TTC27: variants seen among roughly 807,000 people sequenced by gnomAD.
TTC27 encodes tetratricopeptide repeat protein 27.
Under a neutral mutation model 115.9 loss-of-function variants are expected in TTC27, and 79 were observed. That is an observed-to-expected ratio of 0.68 (90% confidence interval 0.57 to 0.82). TTC27 has a LOEUF of 0.82. Ranked by LOEUF, TTC27 falls within the 40% of genes least tolerant of loss-of-function variation. The pLI is 0.00. For missense variants in TTC27, 1,054 were observed against 993.1 expected (o/e 1.06, Z -0.82); for synonymous variants, 401 against 356.0 (o/e 1.13, Z -1.42).
At chr2:32,816,166 CATT>C (rs918141192) in intron 18 of TTC27, among the ~76,000 whole-genome samples, 8 of 151,850 alleles carry the variant, frequency 5.3e-5, no homozygotes, top group African/African-American at 1.9e-4. Flanking sequence ...AAAATTAAAA[CATT>C]AGCTGGTTGT....
At position 32,628,323 on chromosome 2, in the gene TTC27, GGATTCCCCACTGAGGC is replaced by G; in HGVS notation, c.32_47del (p.Gly11ValfsTer33). 6.2e-7 allele frequency: 1 copy of G among 1,607,790 alleles called. No homozygotes were observed. Among genetic ancestry groups the G allele is most frequent in the Non-Finnish European group, 8.5e-7 (1 of 1,178,128 alleles). ...GACCCCGGAGCTGGCAATTCTGAGG[GGATTCCCCACTGAGGC>G]TGAGCGGCAGCAATGGAAACAGGAG... On this transcript the variant is annotated frameshift_variant, in exon 1 of 20. Transcript: ENST00000317907. LOFTEE classifies it high-confidence loss of function.
chr2:32,808,328 A>C (rs1671204089), intron 16 of TTC27, among the ~76,000 whole-genome samples: 1 of 152,074 alleles, frequency 6.6e-6, no homozygotes, highest in Non-Finnish European at 1.5e-5. Flanking sequence ...ATCTGCCATG[A>C]CCCTCAATGA....
intron 13 of TTC27, among the ~76,000 whole-genome samples, chr2:32,777,134 C>A (rs937362769): frequency 6.6e-6 from 1 of 152,212 alleles, no homozygotes; most frequent in Non-Finnish European, 1.5e-5. Context: ...TAATTTCAGG[C>A]ATGCCTAAAG....
At chr2:32,664,090 T>C (rs138791978) in intron 5 of TTC27, among the ~76,000 whole-genome samples, 164 of 152,250 alleles carry the variant, frequency 1.1e-3, no homozygotes, top group African/African-American at 3.6e-3. Context: ...ATAGTGTACA[T>C]AATGTCCTTA....
At chr2:32,778,583 A>C (rs984720267) in intron 14 of TTC27, among the ~76,000 whole-genome samples, 1 of 152,150 alleles carries the variant, frequency 6.6e-6, no homozygotes, top group Non-Finnish European at 1.5e-5. Flanking sequence ...ATTTCATATA[A>C]ATGGATTCAT....
chr2:32,711,196 A>G (rs943956368), intron 10 of TTC27, among the ~76,000 whole-genome samples: 14 of 151,284 alleles, frequency 9.3e-5, no homozygotes, highest in African/African-American at 3.2e-4. Context: ...TTACCTTTGC[A>G]TTGGCCTTAC....
At chr2:32,740,780 G>A (rs779754035) in intron 12 of TTC27, among the ~76,000 whole-genome samples, 31 of 152,106 alleles carry the variant, frequency 2.0e-4, no homozygotes, top group Admixed American at 7.2e-4. Flanking sequence ...TCAGCCTCCC[G>A]AGTAGCTGGG....
chr2:32,703,558 A>G (rs1019041446), intron 10 of TTC27, among the ~76,000 whole-genome samples: 2 of 152,220 alleles, frequency 1.3e-5, no homozygotes, highest in Non-Finnish European at 2.9e-5. Flanking sequence ...ATGCAGCCCC[A>G]TAGGTATGGG....
At chr2:32,731,847 T>C (rs2151914562) in intron 10 of TTC27, among the ~76,000 whole-genome samples, 1 of 152,210 alleles carries the variant, frequency 6.6e-6, no homozygotes, top group Middle Eastern at 3.4e-3. Context: ...TATCTGAGAG[T>C]ATCTGAAATA....
intron 10 of TTC27, among the ~76,000 whole-genome samples, chr2:32,733,524 A>G (rs1206276973): frequency 6.6e-6 from 1 of 152,248 alleles, no homozygotes; most frequent in Non-Finnish European, 1.5e-5. Flanking sequence ...GCTAAAGAAC[A>G]GTTCTTCATA....
chr2:32,691,354 A>G (rs1242732156), intron 9 of TTC27, among the ~76,000 whole-genome samples: 1 of 150,112 alleles, frequency 6.7e-6, no homozygotes, highest in Admixed American at 6.7e-5. Context: ...GCTGGAGTGC[A>G]ATGGCGCAAT....
chr2:32,706,075 C>CT (rs757011051), intron 10 of TTC27, among the ~76,000 whole-genome samples: 13 of 83,076 alleles, frequency 1.6e-4, no homozygotes, highest in South Asian at 4.8e-4. Context: ...ATTTACCTTA[C>CT]TCTTTTTTTT....
chr2:32,813,978 G>A (rs1407687242), intron 18 of TTC27, among the ~76,000 whole-genome samples: 2 of 152,204 alleles, frequency 1.3e-5, no homozygotes, highest in Admixed American at 6.5e-5. Context: ...GGTGGGCTCA[G>A]TTGGGATCCA....
In TTC27 at chr2:32,664,371, T is replaced by C; in HGVS notation, c.709T>C (p.Cys237Arg). 1 of 1,612,302 alleles carries C rather than the reference T, an allele frequency of 6.2e-7. No individual in the cohort carries two copies. The highest frequency in any genetic ancestry group is 8.5e-7 in the Non-Finnish European group (1 of 1,179,166). ...RYLAIQFHLE[C>R]AYVFLYYYEY... ...TTTGGCTATTCAATTCCATCTGGAATGTGCATATGTGTTTTTATATTATTA... is the reference window on the plus strand; with the variant it reads ...TTTGGCTATTCAATTCCATCTGGAACGTGCATATGTGTTTTTATATTATTA... The change falls in exon 6 of 20, where the codon TGT (cysteine) becomes CGT (arginine). Residue 237 changes from cysteine (C) to arginine (R), a missense_variant. Coordinates refer to ENST00000317907, the MANE Select transcript of TTC27 (RefSeq NM_017735.5).
At chr2:32,792,217 G>A (rs141305319) in intron 16 of TTC27, among the ~76,000 whole-genome samples, 266 of 152,274 alleles carry the variant, frequency 1.7e-3, no homozygotes, top group African/African-American at 6.0e-3. Flanking sequence ...TGTGCAGTGG[G>A]GCAAGTTGCC....
At position 32,702,795 on chromosome 2, in the gene TTC27, C is replaced by T. The variant is rs6705023; in HGVS notation, c.1120-12C>T. 2,163 of 1,580,086 alleles carry T rather than the reference C, an allele frequency of 1.4e-3. 22 individuals are homozygous for T. The African/African-American group carries it at 0.026, about 19-fold the overall frequency. On this transcript the variant is annotated splice_polypyrimidine_tract_variant and intron_variant, in intron 9 of 19. Transcript: ENST00000317907. Reference sequence around the variant, plus strand: ...CTCTTTTCTATGATTTTTTTCTTCCCGCTTCTATCAGTGTTTGCTTTCACA... The same window carrying T: ...CTCTTTTCTATGATTTTTTTCTTCCTGCTTCTATCAGTGTTTGCTTTCACA...
At chr2:32,646,404 A>T (rs1245312482) in intron 4 of TTC27, among the ~76,000 whole-genome samples, 1 of 152,054 alleles carries the variant, frequency 6.6e-6, no homozygotes, top group Non-Finnish European at 1.5e-5. Flanking sequence ...CGTGGCTTCA[A>T]GTGATCTTCC....
intron 11 of TTC27, among the ~76,000 whole-genome samples, chr2:32,735,167 G>A (rs894638694): frequency 1.3e-5 from 2 of 152,292 alleles, no homozygotes; most frequent in South Asian, 4.1e-4. Flanking sequence ...GGGTGAACTA[G>A]GAGGTTTATT....
chr2:32,773,833 A>C (rs752405051), intron 13 of TTC27, among the ~76,000 whole-genome samples: 47 of 152,350 alleles, frequency 3.1e-4, no homozygotes, highest in Non-Finnish European at 5.1e-4. Flanking sequence ...CAAAGGAGCT[A>C]GTTTTTTATT....
Sources: allele counts gnomAD v4.1 joint callset (sites outside exome capture counted in the v4.1 genomes callset), GRCh38; gene constraint gnomAD v4.1.1; transcripts MANE v1.5; gene names NCBI Gene and HGNC (gene_info 2026-07-23, HGNC 2026-07-21).